POU6F2: variants seen among roughly 807,000 people sequenced by gnomAD.
POU6F2 encodes the protein POU domain, class 6, transcription factor 2.
Under a neutral mutation model 71.3 loss-of-function variants are expected in POU6F2, and 31 were observed. The ratio of observed to expected loss-of-function variants is 0.43; its 90% CI spans 0.33 to 0.59. The LOEUF (loss-of-function observed/expected upper bound fraction) is 0.59, where lower values mean the gene tolerates loss of function less well. Among genes scored for constraint, POU6F2 ranks in the 20% least tolerant of loss-of-function variants. The pLI is 0.04. For synonymous variants in POU6F2, 347 were observed against 355.7 expected, an observed-to-expected ratio of 0.98 and a Z score of 0.27; for missense variants, 783 against 856.8, an observed-to-expected ratio of 0.91 and a Z score of 1.07.
At chr7:39,133,360 T>C (rs988629457) in intron 2 of POU6F2, among the ~76,000 whole-genome samples, 1 of 152,232 alleles carries the variant, frequency 6.6e-6, no homozygotes, top group Admixed American at 6.5e-5. Flanking sequence ...CCAACATCAA[T>C]AGCTGTGATT....
At chr7:39,060,178 C>T (rs756101718) in intron 1 of POU6F2, among the ~76,000 whole-genome samples, 15 of 151,490 alleles carry the variant, frequency 9.9e-5, no homozygotes, top group African/African-American at 2.9e-4. Flanking sequence ...ACTGCACTCT[C>T]GCCTGGGCAA....
intron 4 of POU6F2, among the ~76,000 whole-genome samples, chr7:39,300,722 T>C (rs1271570984): frequency 6.6e-6 from 1 of 152,096 alleles, no homozygotes; most frequent in Non-Finnish European, 1.5e-5. Flanking sequence ...TCTGTCCACG[T>C]CCATGTCTAA....
chr7:38,987,836 G>C (rs943239120), intron 1 of POU6F2, among the ~76,000 whole-genome samples: 2 of 152,098 alleles, frequency 1.3e-5, no homozygotes, highest in African/African-American at 4.8e-5. Flanking sequence ...TAAAAGATGG[G>C]AGTGTGAGCT....
intron 1 of POU6F2, among the ~76,000 whole-genome samples, chr7:39,010,359 C>T (rs1178201079): frequency 3.7e-4 from 55 of 146,934 alleles, no homozygotes; most frequent in Non-Finnish European, 7.1e-4. Flanking sequence ...TCTGTGGGAT[C>T]GGTGGTGATA....
intron 1 of POU6F2, among the ~76,000 whole-genome samples, chr7:38,998,935 A>G (rs1326333217): frequency 1.3e-5 from 2 of 150,448 alleles, no homozygotes; most frequent in Non-Finnish European, 2.9e-5. Context: ...AAGTGCTGGG[A>G]TTACAGGCGT....
chr7:39,267,823 G>T (rs1350596192), intron 4 of POU6F2, among the ~76,000 whole-genome samples: 2 of 152,020 alleles, frequency 1.3e-5, no homozygotes, highest in African/African-American at 2.4e-5. Flanking sequence ...TAGCTAGTCT[G>T]CTGACACTCT....
intron 5 of POU6F2, among the ~76,000 whole-genome samples, chr7:39,344,770 C>A (rs1240069655): frequency 6.6e-6 from 1 of 152,154 alleles, no homozygotes; most frequent in Non-Finnish European, 1.5e-5. Flanking sequence ...TTCTAGAACT[C>A]CTTCAGTTCC....
At chr7:39,019,411 C>G (rs1353532691) in intron 1 of POU6F2, among the ~76,000 whole-genome samples, 3 of 152,072 alleles carry the variant, frequency 2.0e-5, no homozygotes, top group Non-Finnish European at 4.4e-5. Context: ...TAAGAATGTT[C>G]TTAGATTTTT....
intron 1 of POU6F2, among the ~76,000 whole-genome samples, chr7:39,026,153 G>A (rs567787494): frequency 1.3e-5 from 2 of 151,828 alleles, no homozygotes; most frequent in African/African-American, 2.4e-5. Flanking sequence ...CTGTTGGTGG[G>A]ACTGTAAACT....
intron 5 of POU6F2, among the ~76,000 whole-genome samples, chr7:39,390,863 T>TA (rs1368793656): frequency 5.3e-5 from 8 of 151,880 alleles, no homozygotes; most frequent in South Asian, 2.1e-4. Flanking sequence ...TTTTTTTTTT[T>TA]ACCTGTGGAC....
intron 1 of POU6F2, among the ~76,000 whole-genome samples, chr7:39,077,549 A>G (rs1017805109): frequency 5.3e-5 from 8 of 152,160 alleles, no homozygotes; most frequent in African/African-American, 1.9e-4. Flanking sequence ...GAGTATAAGC[A>G]TAGTTAAGAG....
At chr7:39,397,325 T>A (rs200172128) in intron 5 of POU6F2, among the ~76,000 whole-genome samples, 17 of 416 alleles carry the variant, frequency 0.041, no homozygotes, top group African/African-American at 0.12. Context: ...GTATATATAT[T>A]ATATATATAT....
At chr7:39,141,652 A>G (rs1792505372) in intron 2 of POU6F2, among the ~76,000 whole-genome samples, 1 of 152,242 alleles carries the variant, frequency 6.6e-6, no homozygotes, top group Non-Finnish European at 1.5e-5. Flanking sequence ...ATGAAATATC[A>G]TGGTCTTAAA....
intron 2 of POU6F2, among the ~76,000 whole-genome samples, chr7:39,190,417 T>TAAAAAAAAAAAAAA (rs57872350): frequency 3.0e-4 from 18 of 59,906 alleles, no homozygotes; most frequent in African/African-American, 1.3e-3. Flanking sequence ...CTCCTTTTCT[T>TAAAAAAAAAAAAAA]AAAAAAAAAA....
Position 39,431,059 on chromosome 7 carries a change from G to A in POU6F2, c.1114-2018G>A, listed in dbSNP as rs527899342. On this transcript the variant is annotated intron_variant, in intron 6 of 9. Transcript: ENST00000518318. ...CACTCATCAATAAAGTACTTGCTAT[G>A]ATCTATTGATGTGGACGCCTCCTGA... 4.0e-4 allele frequency among the ~76,000 whole-genome samples: 61 copies of A among 152,298 alleles called. No individual in the cohort carries two copies. The South Asian group carries it at 0.01, about 25-fold the overall frequency.
intron 4 of POU6F2, among the ~76,000 whole-genome samples, chr7:39,269,644 TAG>T (rs368393099): frequency 6.6e-6 from 1 of 152,210 alleles, no homozygotes; most frequent in African/African-American, 2.4e-5. Context: ...GCCTCTTTTT[TAG>T]AGTTTGAGGC....
intron 2 of POU6F2, among the ~76,000 whole-genome samples, chr7:39,102,998 G>T (rs971242739): frequency 6.6e-6 from 1 of 151,706 alleles, no homozygotes; most frequent in Admixed American, 6.6e-5. Flanking sequence ...CCAAAACTTT[G>T]TTCTGTGGTG....
At chr7:39,111,274 T>C (rs1791807545) in intron 2 of POU6F2, among the ~76,000 whole-genome samples, 1 of 152,212 alleles carries the variant, frequency 6.6e-6, no homozygotes, top group Non-Finnish European at 1.5e-5. Context: ...CTCAGAAACA[T>C]CATGAAGGCA....
At chr7:39,314,098 A>G (rs1785217282) in intron 4 of POU6F2, among the ~76,000 whole-genome samples, 1 of 152,212 alleles carries the variant, frequency 6.6e-6, no homozygotes. Flanking sequence ...ATTTGCAGAC[A>G]TTTGCGTTTG....
Sources: gnomAD v4.1 joint callset for allele counts (sites outside exome capture counted in the v4.1 genomes callset) on GRCh38, gnomAD v4.1.1 for gene constraint, MANE v1.5 for transcripts, NCBI Gene and HGNC (gene_info 2026-07-23, HGNC 2026-07-21) for gene names.